DNAJC13: variants seen among roughly 807,000 people sequenced by gnomAD.
DNAJC13 encodes DnaJ heat shock protein family (Hsp40) member C13.
DNAJC13 carries 75 observed loss-of-function variants against 290.5 expected under a neutral mutation model. The observed-to-expected ratio is 0.26, with a 90% confidence interval of 0.21 to 0.31. DNAJC13 has a LOEUF of 0.31. Ranked by LOEUF, DNAJC13 falls within the 10% of genes least tolerant of loss-of-function variation. DNAJC13 has a pLI of 1.00. For missense variants in DNAJC13, 2,260 were observed against 2,674.5 expected, an observed-to-expected ratio of 0.85 and a Z score of 3.42; for synonymous variants, 862 against 892.0, an observed-to-expected ratio of 0.97 and a Z score of 0.60.
chr3:132,516,412 T>C lies in DNAJC13; in HGVS notation c.5486-10T>C. ...ATGATGCATTCCTTGAAATGTCTTTTACTCTGCAGGTCGTCAGCTTGTTCT... is the reference window on the plus strand; with the variant it reads ...ATGATGCATTCCTTGAAATGTCTTTCACTCTGCAGGTCGTCAGCTTGTTCT... On this transcript the variant is annotated splice_polypyrimidine_tract_variant and intron_variant, in intron 46 of 55. Coordinates refer to ENST00000260818, the MANE Select transcript of DNAJC13 (RefSeq NM_015268.4). The C allele has an allele frequency of 3.1e-6, 5 of 1,613,558 alleles. No individual in the cohort carries two copies. Among genetic ancestry groups the C allele is most frequent in the Non-Finnish European group, 4.2e-6 (5 of 1,179,626 alleles).
chr3:132,445,554 T>C (rs573201722), intron 2 of DNAJC13, among the ~76,000 whole-genome samples: 25 of 152,184 alleles, frequency 1.6e-4, no homozygotes, highest in Admixed American at 1.6e-3. Flanking sequence ...TCTTCTGTCT[T>C]GAAATCATTT....
At position 132,538,356 on chromosome 3, in the gene DNAJC13, A is replaced by G; in HGVS notation, c.*74A>G. On this transcript the variant is annotated 3_prime_UTR_variant, in exon 56 of 56. Coordinates refer to ENST00000260818, the MANE Select transcript of DNAJC13 (RefSeq NM_015268.4). The stretch of plus-strand genomic sequence containing the variant: ...ATTCCTCCAGCTGATACGTTGAAGC[A>G]AACTCTTACTGCCTTTCTCCTGGTT... 8.9e-7 allele frequency: 1 copy of G among 1,120,970 alleles called. No individual in the cohort carries two copies. The highest frequency in any genetic ancestry group is 1.3e-6 in the Non-Finnish European group (1 of 759,436). 69.4% of individuals were successfully genotyped at this position (1,120,970 alleles called of 1,614,324 possible).
chr3:132,427,027 T>C (rs1214335900), intron 1 of DNAJC13, among the ~76,000 whole-genome samples: 2 of 151,670 alleles, frequency 1.3e-5, no homozygotes, highest in Non-Finnish European at 2.9e-5. Context: ...ACAAGATGAT[T>C]TTTAAAAATT....
chr3:132,471,001 G>C (rs1934216732), intron 20 of DNAJC13, among the ~76,000 whole-genome samples: 3 of 132,864 alleles, frequency 2.3e-5, no homozygotes. Context: ...GGACGGGGCG[G>C]CTGGCCGGGC....
intron 1 of DNAJC13, among the ~76,000 whole-genome samples, chr3:132,420,167 T>C (rs1938913711): frequency 6.6e-6 from 1 of 152,138 alleles, no homozygotes. Context: ...ATGCACAATC[T>C]TGCAAACTCT....
rs377137888 is a variant in DNAJC13, at chr3:132,490,926, T to C, written c.3498T>C (p.Ser1166=). ...ETKGQDIFQR[S]ILGHILPEAM... Reference sequence around the variant, plus strand: ...AAGGACAAGATATTTTTCAGAGAAGTATACTTGGGCACATTCTACCTGAAG... The same window carrying C: ...AAGGACAAGATATTTTTCAGAGAAGCATACTTGGGCACATTCTACCTGAAG... Residue 1166 remains serine, a synonymous_variant, in exon 32 of 56, where the codon AGT becomes AGC. Transcript: ENST00000260818. The C allele has an allele frequency of 1.2e-6, 2 of 1,606,566 alleles. No homozygotes were observed. Among genetic ancestry groups the C allele is most frequent in the Non-Finnish European group, 1.7e-6 (2 of 1,177,540 alleles).
At chr3:132,494,761 T>TA (rs1258441089) in intron 34 of DNAJC13, among the ~76,000 whole-genome samples, 1 of 152,296 alleles carries the variant, frequency 6.6e-6, no homozygotes, top group East Asian at 1.9e-4. Context: ...TATAATAACT[T>TA]AGAATTATAG....
At position 132,467,162 on chromosome 3, in the gene DNAJC13, T is replaced by C. The variant is rs767866873; in HGVS notation, c.2065-8T>C. The C allele has an allele frequency of 3.1e-6, 5 of 1,608,076 alleles. No homozygotes were observed. Among genetic ancestry groups the C allele is most frequent in the Non-Finnish European group, 3.4e-6 (4 of 1,178,194 alleles). ...AGGCATGTAATGGATTCCAACATTA[T>C]TTTACAGGATCAGTATGGAAAATTT... On this transcript the variant is annotated splice_region_variant and splice_polypyrimidine_tract_variant and intron_variant, in intron 19 of 55. Coordinates refer to ENST00000260818, the MANE Select transcript of DNAJC13 (RefSeq NM_015268.4).
chr3:132,508,280 A>C (rs1473261062), intron 43 of DNAJC13, among the ~76,000 whole-genome samples: 1 of 152,250 alleles, frequency 6.6e-6, no homozygotes, highest in East Asian at 1.9e-4. Context: ...TGCAAGGTGA[A>C]GCAGCAAGTG....
At chr3:132,445,653 G>A (rs1447500401) in intron 2 of DNAJC13, among the ~76,000 whole-genome samples, 2 of 151,946 alleles carry the variant, frequency 1.3e-5, no homozygotes, top group Non-Finnish European at 2.9e-5. Flanking sequence ...TTGAAGGGTT[G>A]ATTTTCAAAT....
rs1194008796 is a variant in DNAJC13, at chr3:132,499,322, T to C, written c.4341+12T>C. ...AGAATGGACTAGAGGTAATACGGAG[T>C]GACCTTTGTGCTTTTTAAGCCAGTT... On this transcript the variant is annotated intron_variant, in intron 37 of 55. Transcript: ENST00000260818. 1 of 1,569,002 alleles carries C rather than the reference T, an allele frequency of 6.4e-7. No individual in the cohort carries two copies. Among genetic ancestry groups the C allele is most frequent in the Non-Finnish European group, 8.7e-7 (1 of 1,155,570 alleles).
intron 2 of DNAJC13, among the ~76,000 whole-genome samples, chr3:132,435,716 T>C (rs1029035671): frequency 2.0e-5 from 3 of 152,240 alleles, no homozygotes; most frequent in South Asian, 2.1e-4. Context: ...TTTAGTTCTT[T>C]GAATCAACCT....
chr3:132,442,841 A>G (rs1416295593), intron 2 of DNAJC13, among the ~76,000 whole-genome samples: 3 of 152,212 alleles, frequency 2.0e-5, no homozygotes, highest in Non-Finnish European at 4.4e-5. Flanking sequence ...TATGAATATT[A>G]ATTTTTCAGT....
intron 25 of DNAJC13, 68 bp from the exon 26 acceptor site, chr3:132,480,301 T>G (rs1934624230): frequency 9.8e-7 from 1 of 1,024,968 alleles, no homozygotes; most frequent in African/African-American, 1.6e-5. Context: ...TTGGGAAAGG[T>G]ACTATTGGGA....
At chr3:132,527,193 CATAA>C (rs1433119165) in intron 53 of DNAJC13, among the ~76,000 whole-genome samples, 1 of 152,100 alleles carries the variant, frequency 6.6e-6, no homozygotes, top group East Asian at 1.9e-4. Context: ...CTTTATTTCC[CATAA>C]ATACATACAA....
intron 13 of DNAJC13, among the ~76,000 whole-genome samples, 167 bp from the exon 14 acceptor site, chr3:132,460,083 T>C (rs757670831): frequency 2.0e-5 from 3 of 152,208 alleles, no homozygotes; most frequent in Admixed American, 6.5e-5. Flanking sequence ...TGGTAAATCG[T>C]CACTTCTGCC....
chr3:132,505,065 G>A lies in DNAJC13; in HGVS notation c.4885-237G>A, dbSNP rs142942692. ...TCAATTTCAAATCCTAGTTTCACCA[G>A]TTACCAGTTGTAAGATCTGGGACAA... On this transcript the variant is annotated intron_variant, in intron 41 of 55. Coordinates refer to ENST00000260818, the MANE Select transcript of DNAJC13 (RefSeq NM_015268.4). Among the ~76,000 whole-genome samples the A allele has an allele frequency of 1.7e-4, 26 of 152,264 alleles. No homozygotes were observed. The East Asian group carries it at 5.0e-3, about 29-fold the overall frequency.
chr3:132,475,826 A>G (rs1934454221), intron 22 of DNAJC13, among the ~76,000 whole-genome samples: 1 of 152,178 alleles, frequency 6.6e-6, no homozygotes, highest in Non-Finnish European at 1.5e-5. Context: ...CTCGCTGACC[A>G]CTAAATGTTG....
intron 17 of DNAJC13, among the ~76,000 whole-genome samples, chr3:132,465,036 T>C (rs1220564618): frequency 1.3e-5 from 2 of 152,170 alleles, no homozygotes; most frequent in Non-Finnish European, 2.9e-5. Context: ...AAAGCCTTTT[T>C]AGGAGTCACT....
Sources: gnomAD v4.1 joint callset for allele counts (sites outside exome capture counted in the v4.1 genomes callset) on GRCh38, gnomAD v4.1.1 for gene constraint, MANE v1.5 for transcripts, NCBI Gene and HGNC (gene_info 2026-07-23, HGNC 2026-07-21) for gene names.